EGFL7: variants seen among roughly 807,000 people sequenced by gnomAD.
The protein encoded by EGFL7 is EGF like domain multiple 7.
A neutral mutation model predicts 37.1 loss-of-function variants in EGFL7; 48 were observed. That is an observed-to-expected ratio of 1.29 (90% confidence interval 1.03 to 1.65). EGFL7 has a LOEUF of 1.65. Ranked by LOEUF, EGFL7 falls within the 40% of genes most tolerant of loss-of-function variation. The pLI is 0.00. For missense variants in EGFL7, 384 were observed against 378.9 expected (o/e 1.01, Z -0.11); for synonymous variants, 180 against 156.8 (o/e 1.15, Z -1.10).
At position 136,666,837 on chromosome 9, in the gene EGFL7, G is replaced by A. The variant is rs559446771; in HGVS notation, c.-42-1404G>A. Among the ~76,000 whole-genome samples the A allele has an allele frequency of 1.5e-4, 23 of 152,210 alleles. 1 individual carries two copies. Among genetic ancestry groups the A allele is most frequent in the African/African-American group, 5.3e-4 (22 of 41,512 alleles). On this transcript the variant is annotated intron_variant, in intron 3 of 10. Transcript: ENST00000308874. This position sits in a 1 kb window ranked among gnomAD's most constrained non-coding sequence, Gnocchi z 6.8. ...AGCCCCTAACAGTGTCCTTCATCCA[G>A]GGCCCATCCCCAGAGTTAATCTCCA...
intron 7 of EGFL7, 30 bp from the exon 8 acceptor site, chr9:136,670,139 C>T: frequency 6.2e-7 from 1 of 1,612,396 alleles, no homozygotes; most frequent in Non-Finnish European, 8.5e-7. Context: ...CTCCCGCAGG[C>T]ATGGCCGCCT....
intron 4 of EGFL7, 49 bp from the exon 5 acceptor site, chr9:136,668,508 T>C: frequency 6.3e-7 from 1 of 1,581,988 alleles, no homozygotes; most frequent in East Asian, 2.2e-5. Context: ...CCATCATTCT[T>C]GGGTCCTGCT....
In EGFL7 at chr9:136,662,999, G is replaced by T. The variant is rs562126136; in HGVS notation, c.-462G>T. The T allele has an allele frequency of 6.6e-6, 1 of 152,390 alleles. No individual in the cohort carries two copies. Among genetic ancestry groups the T allele is most frequent in the African/African-American group, 2.4e-5 (1 of 41,470 alleles). The allele number at this position is 152,390 out of a possible 1,614,324, so 9.4% of individuals were successfully genotyped here. A position where few individuals can be genotyped will look rare whatever the true frequency, so the allele number is the denominator to read the frequency against. On this transcript the variant is annotated 5_prime_UTR_variant, in exon 1 of 11. Transcript: ENST00000308874. Reference sequence around the variant, plus strand: ...GCCAGGCAGGTGGGCCTCAGGAGGTGCCTCCAGGCGGCCAGTGGGCCTGAG... The same window carrying T: ...GCCAGGCAGGTGGGCCTCAGGAGGTTCCTCCAGGCGGCCAGTGGGCCTGAG...
At chr9:136,664,407 G>T (rs991423370) in intron 2 of EGFL7, among the ~76,000 whole-genome samples, 2 of 152,154 alleles carry the variant, frequency 1.3e-5, no homozygotes, top group African/African-American at 4.8e-5. Flanking sequence ...TACATGGAGA[G>T]ACCTCCAGCT....
chr9:136,660,789 G>A (rs1235427643), upstream of EGFL7, among the ~76,000 whole-genome samples: 4 of 152,192 alleles, frequency 2.6e-5, no homozygotes, highest in African/African-American at 9.7e-5. Flanking sequence ...GGGACATGGG[G>A]CTCCCCAAGA....
chr9:136,672,131 C>T (rs1428912184), intron 10 of EGFL7, 43 bp downstream of exon 10: 7 of 1,559,586 alleles, frequency 4.5e-6, no homozygotes, highest in Non-Finnish European at 5.2e-6. Context: ...CGGGTCTGGG[C>T]CCAGTGGGCC....
At chr9:136,664,098 A>T (rs145134129) in intron 2 of EGFL7, among the ~76,000 whole-genome samples, 245 of 152,198 alleles carry the variant, frequency 1.6e-3, no homozygotes, top group African/African-American at 5.7e-3. Flanking sequence ...GCTGGGGGCT[A>T]GGTAAGAGCT....
rs1845487971 is a variant in EGFL7 at position 136,666,502 on chromosome 9, A to G, written c.-43+1717A>G. On this transcript the variant is annotated intron_variant, in intron 3 of 10. Coordinates refer to ENST00000308874, the MANE Select transcript of EGFL7 (RefSeq NM_016215.5). The surrounding 1 kb of genome is among the most constrained non-coding windows in gnomAD (Gnocchi z 6.8). Reference sequence around the variant, plus strand: ...CGAGGCCGTGGCCCCCCCCGGGGAAATGGGGCTTGCAGCACCGGCTCGGAG... The same window carrying G: ...CGAGGCCGTGGCCCCCCCCGGGGAAGTGGGGCTTGCAGCACCGGCTCGGAG... Among the ~76,000 whole-genome samples, 1 of 152,120 alleles carries G rather than the reference A, an allele frequency of 6.6e-6. No homozygotes were observed. Among genetic ancestry groups the G allele is most frequent in the African/African-American group, 2.4e-5 (1 of 41,452 alleles).
chr9:136,669,951 T>G lies in EGFL7; in HGVS notation c.351T>G (p.Cys117Trp). 6.2e-7 allele frequency: 1 copy of G among 1,605,784 alleles called. No individual in the cohort carries two copies. Among genetic ancestry groups the G allele is most frequent in the Non-Finnish European group, 8.5e-7 (1 of 1,176,512 alleles). ...CGCCATGCCGGAACGGAGGGAGCTG[T>G]GTCCAGCCTGGCCGCTGCCGCTGCC... is the stretch of plus-strand genomic sequence containing the variant. ...CQPPCRNGGS[C>W]VQPGRCRCPA... Residue 117 changes from cysteine (C) to tryptophan (W), a missense_variant, in exon 7 of 11, where the codon TGT (cysteine) becomes TGG (tryptophan). Coordinates refer to ENST00000308874, the MANE Select transcript of EGFL7 (RefSeq NM_016215.5).
intron 8 of EGFL7, 102 bp from the exon 9 acceptor site, chr9:136,670,848 C>T: frequency 8.7e-7 from 1 of 1,145,562 alleles, no homozygotes; most frequent in Non-Finnish European, 1.3e-6. Context: ...GAGGCCTGGG[C>T]CTGAGTCTTC....
At chr9:136,663,277 A>C (rs1446435462) in intron 1 of EGFL7, 131 bp from the exon 2 acceptor site, 1 of 152,320 alleles carries the variant, frequency 6.6e-6, no homozygotes, top group African/African-American at 2.4e-5. Flanking sequence ...GAGGCCACTG[A>C]GGCCCCTTGG....
chr9:136,668,188 C>A, intron 3 of EGFL7, 53 bp from the exon 4 acceptor site: 1 of 1,109,042 alleles, frequency 9.0e-7, no homozygotes, highest in Non-Finnish European at 1.3e-6. Context: ...AAACTGCACC[C>A]GCGTCCTGGG....
upstream of EGFL7, among the ~76,000 whole-genome samples, chr9:136,662,654 G>C (rs1419783545): frequency 1.3e-5 from 2 of 152,262 alleles, no homozygotes; most frequent in East Asian, 3.9e-4. Flanking sequence ...ACTCTCCCCA[G>C]GGTCTCCAGC....
At chr9:136,672,206 CT>C in intron 10 of EGFL7, 57 bp from the exon 11 acceptor site, 4 of 1,612,380 alleles carry the variant, frequency 2.5e-6, no homozygotes, top group Non-Finnish European at 3.4e-6. Context: ...TCAGATCTAG[CT>C]GGGCGGGGAG....
At chr9:136,665,460 G>C (rs1406806913) in intron 3 of EGFL7, among the ~76,000 whole-genome samples, 1 of 152,238 alleles carries the variant, frequency 6.6e-6, no homozygotes, top group Non-Finnish European at 1.5e-5. Context: ...CCCCGTCAGT[G>C]TGGGCGCCCT....
Position 136,666,243 on chromosome 9 carries a change from T to C in EGFL7, c.-43+1458T>C, listed in dbSNP as rs1321466286. Among the ~76,000 whole-genome samples the C allele has an allele frequency of 6.6e-6, 1 of 151,460 alleles. No individual in the cohort carries two copies. Among genetic ancestry groups the C allele is most frequent in the Non-Finnish European group, 1.5e-5 (1 of 67,768 alleles). Reference sequence around the variant, plus strand: ...GGGCAGGTCCGTCTCGCTCCGCCTCTGCGCCCTCCCTCGTGGGCCCCGCGG... The same window carrying C: ...GGGCAGGTCCGTCTCGCTCCGCCTCCGCGCCCTCCCTCGTGGGCCCCGCGG... On this transcript the variant is annotated intron_variant, in intron 3 of 10. Coordinates refer to ENST00000308874, the MANE Select transcript of EGFL7 (RefSeq NM_016215.5). The surrounding 1 kb of genome is among the most constrained non-coding windows in gnomAD (Gnocchi z 6.8).
intron 2 of EGFL7, among the ~76,000 whole-genome samples, chr9:136,664,014 G>C (rs534746353): frequency 6.6e-6 from 1 of 152,360 alleles, no homozygotes; most frequent in East Asian, 1.9e-4. Context: ...ATGAGGCCAG[G>C]GGCAGGGGAC....
At chr9:136,670,522 T>C (rs1845780077) in intron 8 of EGFL7, 192 bp downstream of exon 8, 4 of 835,996 alleles carry the variant, frequency 4.8e-6, no homozygotes, top group Non-Finnish European at 6.2e-6. Flanking sequence ...CGGAGCCTCA[T>C]ATCAGCCAAG....
chr9:136,670,358 G>A, intron 8 of EGFL7, 28 bp downstream of exon 8: 11 of 1,520,730 alleles, frequency 7.2e-6, no homozygotes, highest in Non-Finnish European at 9.7e-6. Context: ...TGCCTGGCCT[G>A]GGGAGGCGGG....
Sources: allele counts gnomAD v4.1 joint callset (sites outside exome capture counted in the v4.1 genomes callset), GRCh38; gene constraint gnomAD v4.1.1; non-coding constraint Gnocchi (gnomAD v3.1); transcripts MANE v1.5; gene names NCBI Gene and HGNC (gene_info 2026-07-23, HGNC 2026-07-21).